Variants in PIP4P2 observed in about 807,000 individuals in gnomAD.
The protein encoded by PIP4P2 is type 2 phosphatidylinositol 4,5-bisphosphate 4-phosphatase.
Under a neutral mutation model 33.3 loss-of-function variants are expected in PIP4P2, and 19 were observed. That is an observed-to-expected ratio of 0.57 (90% CI 0.40 to 0.84). The LOEUF (loss-of-function observed/expected upper bound fraction) is 0.84. Among genes scored for constraint, PIP4P2 ranks in the 40% least tolerant of loss-of-function variants. The pLI is 0.00. For missense variants in PIP4P2, 270 were observed against 324.7 expected (o/e 0.83, Z 1.29); for synonymous variants, 110 against 111.9 (o/e 0.98, Z 0.11).
chr8:91,017,359 A>G (rs1586180328), intron 4 of PIP4P2, among the ~76,000 whole-genome samples: 1 of 152,232 alleles, frequency 6.6e-6, no homozygotes, highest in Non-Finnish European at 1.5e-5. Context: ...AGATCACGCC[A>G]CTGTACTCCA....
chr8:91,020,080 T>TG, intron 3 of PIP4P2, 77 bp downstream of exon 3: 1 of 1,400,028 alleles, frequency 7.1e-7, no homozygotes, highest in Non-Finnish European at 1.0e-6. Flanking sequence ...GAACAAAGCC[T>TG]GGCACTGAAG....
intron 1 of PIP4P2, among the ~76,000 whole-genome samples, chr8:91,036,423 T>C (rs568315890): frequency 1.3e-5 from 2 of 152,336 alleles, no homozygotes; most frequent in East Asian, 3.9e-4. Context: ...TCTGGTGTTC[T>C]GGTAATCACA....
intron 5 of PIP4P2, among the ~76,000 whole-genome samples, chr8:90,999,536 C>T (rs566737207): frequency 6.6e-6 from 1 of 151,974 alleles, no homozygotes; most frequent in African/African-American, 2.4e-5. Context: ...GAAAACTGTA[C>T]TCATCACTTT....
At chr8:91,017,479 G>A (rs532461317) in intron 4 of PIP4P2, among the ~76,000 whole-genome samples, 3 of 152,132 alleles carry the variant, frequency 2.0e-5, no homozygotes, top group East Asian at 1.9e-4. Context: ...TAAAGTAGCT[G>A]AAAGAGTTGA....
intron 1 of PIP4P2, among the ~76,000 whole-genome samples, chr8:91,040,192 C>T (rs1406026980): frequency 3.3e-5 from 5 of 152,136 alleles, no homozygotes; most frequent in Admixed American, 6.6e-5. Context: ...CAAGCTAAAG[C>T]CCTTTCAAGG....
chr8:91,036,475 C>T (rs1812233839), intron 1 of PIP4P2, among the ~76,000 whole-genome samples: 1 of 152,148 alleles, frequency 6.6e-6, no homozygotes, highest in Non-Finnish European at 1.5e-5. Context: ...ATACCCTTGA[C>T]ACTTCTCCCT....
In PIP4P2 at chr8:91,020,171, G is replaced by A. The variant is rs1313015468; in HGVS notation, c.348C>T (p.Cys116=). The A allele has an allele frequency of 6.2e-7, 1 of 1,613,474 alleles. No homozygotes were observed. The highest frequency in any genetic ancestry group is 1.7e-5 in the Admixed American group (1 of 59,918). ...TTATCTCTTACCAGTTGGGTCTTGG[G>A]CATCCTATTCGCCGAGATGTGTCCT... The part of the protein sequence containing the change: ...ICKDTSRRIG[C]PRPNCRRIIN... The change falls in exon 3 of 7, where the codon TGC becomes TGT. Residue 116 remains cysteine, a synonymous_variant. Coordinates refer to ENST00000285419, the MANE Select transcript of PIP4P2 (RefSeq NM_018710.3).
At chr8:91,012,037 C>T (rs370221605) in intron 4 of PIP4P2, among the ~76,000 whole-genome samples, 1 of 151,798 alleles carries the variant, frequency 6.6e-6, no homozygotes, top group African/African-American at 2.4e-5. Flanking sequence ...AGAGAGAGCT[C>T]ATTATTTCAG....
At position 90,994,690 on chromosome 8, in the gene PIP4P2, A is replaced by G. The variant is rs1386410830; in HGVS notation, c.*987T>C. 1 of 152,370 alleles carries G rather than the reference A, an allele frequency of 6.6e-6. No individual in the cohort carries two copies. The highest frequency in any genetic ancestry group is 1.5e-5 in the Non-Finnish European group (1 of 67,942). The allele number at this position is 152,370 out of a possible 1,614,324, so 9.4% of individuals were successfully genotyped here. On this transcript the variant is annotated 3_prime_UTR_variant, in exon 7 of 7. Transcript: ENST00000285419. ...AGTTACCTTTGAGAAGAATAGTAAA[A>G]GTACCTCTAATCTCAACATTTTAGC...
chr8:91,033,953 G>A (rs1024697856), intron 1 of PIP4P2, among the ~76,000 whole-genome samples: 1 of 151,854 alleles, frequency 6.6e-6, no homozygotes, highest in African/African-American at 2.4e-5. Context: ...CCTCCTCCTT[G>A]TTTTTAAAAT....
intron 1 of PIP4P2, among the ~76,000 whole-genome samples, chr8:91,029,693 A>G (rs1812132749): frequency 1.3e-5 from 2 of 152,172 alleles, no homozygotes; most frequent in South Asian, 2.1e-4. Flanking sequence ...GATCATATGC[A>G]TAGATAAGTA....
chr8:91,003,562 G>T (rs182037383), intron 5 of PIP4P2, among the ~76,000 whole-genome samples: 255 of 152,262 alleles, frequency 1.7e-3, no homozygotes, highest in Non-Finnish European at 3.1e-3. Flanking sequence ...ACACATGGGA[G>T]ATTGGTTTGC....
chr8:91,018,437 G>C lies in PIP4P2; in HGVS notation c.439C>G (p.Pro147Ala). The C allele has an allele frequency of 6.2e-7, 1 of 1,614,034 alleles. No homozygotes were observed. The highest frequency in any genetic ancestry group is 1.1e-5 in the South Asian group (1 of 91,082). ...CCACACACGACCCTTGTACCTTCTGGTTGGATTGGCAATGCAGGCTGAGCT... is the reference window on the plus strand; with the variant it reads ...CCACACACGACCCTTGTACCTTCTGCTTGGATTGGCAATGCAGGCTGAGCT... The part of the protein sequence containing the change: ...QPAQPALPIQ[P>A]EGTRVVCGHC... The change falls in exon 4 of 7, where the codon CCA (proline) becomes GCA (alanine). Residue 147 changes from proline (P) to alanine (A), a missense_variant. Transcript: ENST00000285419.
chr8:91,027,393 T>TCTCA (rs1178646325), intron 1 of PIP4P2, among the ~76,000 whole-genome samples: 1 of 152,228 alleles, frequency 6.6e-6, no homozygotes, highest in African/African-American at 2.4e-5. Context: ...TGCCCTTGCC[T>TCTCA]GAGGCAGTTG....
intron 2 of PIP4P2, among the ~76,000 whole-genome samples, chr8:91,020,663 G>C (rs1362666455): frequency 2.0e-5 from 3 of 152,060 alleles, no homozygotes; most frequent in Non-Finnish European, 4.4e-5. Context: ...TGAAAATTTA[G>C]TTGCTCCCCA....
At position 91,018,490 on chromosome 8, in the gene PIP4P2, G is replaced by C. The variant is rs139160288; in HGVS notation, c.386C>G (p.Pro129Arg). Reference protein sequence around the residue: ...PNCRRIINLGPVMLISEEQPA... With the variant: ...PNCRRIINLGRVMLISEEQPA... ...TTGTTCTTCAGAAATAAGCATTACT[G>C]GGCCAAGGTTAATTATCCGTCTACT... is the stretch of plus-strand genomic sequence containing the variant. The change falls in exon 4 of 7, where the codon CCA (proline) becomes CGA (arginine). Residue 129 changes from proline to arginine, a missense_variant. Transcript: ENST00000285419. The C allele has an allele frequency of 1.2e-6, 2 of 1,613,724 alleles. No homozygotes were observed.
At chr8:90,996,496 T>C (rs956433039) in intron 6 of PIP4P2, among the ~76,000 whole-genome samples, 158 bp downstream of exon 6, 1 of 151,990 alleles carries the variant, frequency 6.6e-6, no homozygotes, top group African/African-American at 2.4e-5. Context: ...GGTCCATGGA[T>C]TGGGTTTCTG....
At chr8:91,032,453 A>C (rs1015200696) in intron 1 of PIP4P2, among the ~76,000 whole-genome samples, 10 of 152,226 alleles carry the variant, frequency 6.6e-5, no homozygotes, top group Middle Eastern at 3.4e-3. Context: ...ATGGAATGCC[A>C]TTCCCAATTT....
At position 90,995,674 on chromosome 8, in the gene PIP4P2, A is replaced by T; in HGVS notation, c.*3T>A. On this transcript the variant is annotated 3_prime_UTR_variant, in exon 7 of 7. Transcript: ENST00000285419. The stretch of plus-strand genomic sequence containing the variant: ...CACCTGCATTACTGAATCATAAACA[A>T]GCTTATGCAAAACTGTGTTCTGGAT... 1.2e-6 allele frequency: 2 copies of T among 1,608,226 alleles called. No homozygotes were observed. Among genetic ancestry groups the T allele is most frequent in the African/African-American group, 1.3e-5 (1 of 74,654 alleles).
Sources: gnomAD v4.1 joint callset for allele counts (sites outside exome capture counted in the v4.1 genomes callset) on GRCh38, gnomAD v4.1.1 for gene constraint, MANE v1.5 for transcripts, NCBI Gene and HGNC (gene_info 2026-07-23, HGNC 2026-07-21) for gene names.